RGL1: variants seen among roughly 807,000 people sequenced by gnomAD.
RGL1 encodes the protein ral guanine nucleotide dissociation stimulator-like 1.
In RGL1, 24 loss-of-function variants were observed where a neutral mutation model predicts 95.2. That is an observed-to-expected ratio of 0.25 (90% CI 0.18 to 0.35). RGL1 has a LOEUF of 0.35. RGL1 is among the 10% of genes least tolerant of loss of function. The pLI, the probability that RGL1 is intolerant of heterozygous loss-of-function variation, is 1.00. For synonymous variants in RGL1, 329 were observed against 344.9 expected (o/e 0.95, Z 0.51); for missense variants, 715 against 936.3 (o/e 0.76, Z 3.08).
Position 183,653,902 on chromosome 1 carries a change from C to T in RGL1, c.-33+17401C>T, listed in dbSNP as rs6689256. Among the ~76,000 whole-genome samples the T allele has an allele frequency of 5.2e-3, 790 of 152,302 alleles. 7 individuals carry two copies. Among genetic ancestry groups the T allele is most frequent in the African/African-American group, 0.018 (750 of 41,560 alleles). ...TAGTCTCCCTTGACCCCCACATCAT[C>T]TCCTAGACACAAGGCACATTGATAG... On this transcript the variant is annotated intron_variant, in intron 1 of 18. Coordinates refer to the RGL1 transcript ENST00000304685.
chr1:183,713,223 G>C (rs924607596), intron 1 of RGL1, among the ~76,000 whole-genome samples: 1 of 151,896 alleles, frequency 6.6e-6, no homozygotes, highest in African/African-American at 2.4e-5. Context: ...AAGGGGTTTT[G>C]CCATGTTGGC....
intron 2 of RGL1, among the ~76,000 whole-genome samples, chr1:183,788,608 A>G (rs1660293245): frequency 6.6e-6 from 1 of 152,202 alleles, no homozygotes; most frequent in South Asian, 2.1e-4. Context: ...CTTTATGCAC[A>G]GTACATGTTC....
intron 1 of RGL1, among the ~76,000 whole-genome samples, chr1:183,662,097 C>T (rs997425350): frequency 1.3e-5 from 2 of 150,544 alleles, no homozygotes; most frequent in African/African-American, 2.5e-5. Flanking sequence ...AACCCACAGC[C>T]AATATCATAC....
chr1:183,647,783 A>T (rs941984003), intron 1 of RGL1: 38 of 1,614,056 alleles, frequency 2.4e-5, no homozygotes, highest in Non-Finnish European at 3.0e-5. Flanking sequence ...GAAGCCTTCC[A>T]AGGTCCTTGG....
chr1:183,701,071 C>T (rs137960530), intron 1 of RGL1, among the ~76,000 whole-genome samples: 1 of 152,154 alleles, frequency 6.6e-6, no homozygotes, highest in Non-Finnish European at 1.5e-5. Flanking sequence ...CATGTCCCTG[C>T]AAAGGACATG....
intron 1 of RGL1, among the ~76,000 whole-genome samples, chr1:183,650,359 T>C (rs746497057): frequency 6.6e-5 from 10 of 152,040 alleles, no homozygotes; most frequent in South Asian, 6.2e-4. Context: ...CTGGCTAACA[T>C]GGTGAAACCC....
At chr1:183,839,501 A>G (rs564014989) in intron 2 of RGL1, among the ~76,000 whole-genome samples, 1 of 152,254 alleles carries the variant, frequency 6.6e-6, no homozygotes, top group South Asian at 2.1e-4. Context: ...TGTCCCTCCC[A>G]TCTGCCACCT....
intron 2 of RGL1, among the ~76,000 whole-genome samples, chr1:183,793,519 C>T (rs989630346): frequency 1.3e-5 from 2 of 151,942 alleles, no homozygotes; most frequent in African/African-American, 4.8e-5. Flanking sequence ...GCAAACTATT[C>T]AACTGACAAG....
At chr1:183,690,739 A>G (rs967075485) in intron 1 of RGL1, among the ~76,000 whole-genome samples, 3 of 152,214 alleles carry the variant, frequency 2.0e-5, no homozygotes, top group Middle Eastern at 3.2e-3. Flanking sequence ...TATAAAAAAA[A>G]AAAAGAATGT....
At chr1:183,688,534 A>G (rs1028433704) in intron 1 of RGL1, among the ~76,000 whole-genome samples, 12 of 152,178 alleles carry the variant, frequency 7.9e-5, no homozygotes. Context: ...CTGAAAAAGT[A>G]TTAAGTGCCA....
rs558942291 is a variant in RGL1 at position 183,926,191 on chromosome 1, A to G, written c.2206A>G (p.Met736Val). 5 of 1,614,154 alleles carry G rather than the reference A, an allele frequency of 3.1e-6. No individual in the cohort carries two copies. The highest frequency in any genetic ancestry group is 2.2e-5 in the East Asian group (1 of 44,890). ...CTTCATTTTGCGCAAAAAGAACTCC[A>G]TGGAAGAACAAGTGAAACTGCGTAG... ...FDFILRKKNS[M>V]EEQVKLRSRT... Residue 736 changes from methionine to valine, a missense_variant, in exon 18 of 18, where the codon ATG becomes GTG. By Grantham distance (21) the Met-to-Val change is conservative. Transcript: ENST00000360851.
At position 183,877,490 on chromosome 1, in the gene RGL1, A is replaced by C. The variant is rs141888653; in HGVS notation, c.426-3126A>C. 2.4e-3 allele frequency among the ~76,000 whole-genome samples: 369 copies of C among 152,352 alleles called. 3 individuals are homozygous for C. Among genetic ancestry groups the C allele is most frequent in the South Asian group, 0.021 (101 of 4,832 alleles). On this transcript the variant is annotated intron_variant, in intron 4 of 17. Coordinates refer to ENST00000360851, the MANE Select transcript of RGL1 (RefSeq NM_001297671.3). ...AAGTTTCTTCCCAGGACTGGCACAC[A>C]CAAAGCTACTGTGAGCCTTGGGCAT... is the stretch of plus-strand genomic sequence containing the variant.
intron 3 of RGL1, among the ~76,000 whole-genome samples, chr1:183,856,246 GCAAAAAAACC>G (rs1163361411): frequency 2.0e-5 from 3 of 150,950 alleles, no homozygotes; most frequent in Admixed American, 1.3e-4. Flanking sequence ...GACTTCCTAG[GCAAAAAAACC>G]CAAAAAAACT....
chr1:183,668,329 G>A (rs952060832), intron 1 of RGL1, among the ~76,000 whole-genome samples: 24 of 152,124 alleles, frequency 1.6e-4, no homozygotes, highest in African/African-American at 5.3e-4. Context: ...GGAATTCTAG[G>A]TTGATGAGTT....
intron 2 of RGL1, among the ~76,000 whole-genome samples, chr1:183,833,681 G>A (rs140767329): frequency 1.3e-3 from 205 of 152,258 alleles, no homozygotes; most frequent in African/African-American, 4.9e-3. Flanking sequence ...TGAACATATT[G>A]TATGATTTGC....
rs753420643 is a variant in RGL1 at position 183,916,554 on chromosome 1, C to T, written c.1857C>T (p.Asn619=). 9 of 1,613,914 alleles carry T rather than the reference C, an allele frequency of 5.6e-6. No individual in the cohort carries two copies. The highest frequency in any genetic ancestry group is 7.6e-6 in the Non-Finnish European group (9 of 1,179,986). The part of the protein sequence containing the change: ...NPLSSPPSCN[N]NPKIHKRSVS... ...TCTCCTCCCCTCCGTCCTGCAACAA[C>T]AACCCCAAAATCCACAAGCGCTCTG... The change falls in exon 16 of 18, where the codon AAC becomes AAT. Residue 619 remains asparagine, a synonymous_variant. Transcript: ENST00000360851.
intron 2 of RGL1, among the ~76,000 whole-genome samples, chr1:183,758,205 T>C (rs1203366458): frequency 6.6e-6 from 1 of 151,782 alleles, no homozygotes; most frequent in East Asian, 1.9e-4. Context: ...AGAATTTTTT[T>C]TTTTTTTTTG....
intron 2 of RGL1, among the ~76,000 whole-genome samples, chr1:183,846,747 A>G (rs1664470594): frequency 6.6e-6 from 1 of 151,860 alleles, no homozygotes. Context: ...GGGTGTGGTG[A>G]TGGGTGCCTG....
chr1:183,686,434 T>TA (rs1653591547), intron 1 of RGL1, among the ~76,000 whole-genome samples: 1 of 151,786 alleles, frequency 6.6e-6, no homozygotes, highest in South Asian at 2.1e-4. Flanking sequence ...GACAATATGT[T>TA]TTTTTTGTCT....
Sources: gnomAD v4.1 joint callset for allele counts (sites outside exome capture counted in the v4.1 genomes callset) on GRCh38, gnomAD v4.1.1 for gene constraint, MANE v1.5 for transcripts, NCBI Gene and HGNC (gene_info 2026-07-23, HGNC 2026-07-21) for gene names.